Variants in MRPL46 observed in about 807,000 individuals in gnomAD.
MRPL46 encodes large ribosomal subunit protein mL46.
A neutral mutation model predicts 31.0 loss-of-function variants in MRPL46; 26 were observed. That is an observed-to-expected ratio of 0.84 (90% CI 0.61 to 1.16). The LOEUF (loss-of-function observed/expected upper bound fraction) is 1.16. MRPL46 is among the 50% of genes most tolerant of loss of function. MRPL46 has a pLI of 0.00. For missense variants in MRPL46, 395 were observed against 340.0 expected, an observed-to-expected ratio of 1.16 and a Z score of -1.27; for synonymous variants, 159 against 141.3, an observed-to-expected ratio of 1.13 and a Z score of -0.89.
Position 88,465,746 on chromosome 15 carries a change from C to G in MRPL46, c.256G>C (p.Asp86His). The change falls in exon 2 of 4, where the codon GAC (aspartate) becomes CAC (histidine). Residue 86 changes from aspartate (D) to histidine (H), a missense_variant. Transcript: ENST00000312475. Reference protein sequence around the residue: ...QIEIERSLYSDHELRALDENQ... With the variant: ...QIEIERSLYSHHELRALDENQ... ...TCATCCAGAGCACGAAGCTCGTGGT[C>G]TGAATACAGGCTTCTCTCTATCTCA... The G allele has an allele frequency of 6.2e-7, 1 of 1,611,670 alleles. No individual in the cohort carries two copies. Among genetic ancestry groups the G allele is most frequent in the Non-Finnish European group, 8.5e-7 (1 of 1,179,490 alleles).
chr15:88,462,849 A>G (rs1035536861), intron 3 of MRPL46: 10 of 152,208 alleles, frequency 6.6e-5, no homozygotes, highest in Non-Finnish European at 1.5e-4. Flanking sequence ...GTAAATTTGT[A>G]ATAAGTCAAT....
intron 1 of MRPL46, 150 bp downstream of exon 1, chr15:88,467,000 T>C (rs950022888): frequency 1.2e-6 from 1 of 855,594 alleles, no homozygotes; most frequent in African/African-American, 1.7e-5. Flanking sequence ...AGAAACCACT[T>C]TTTGTTGAAC....
chr15:88,462,974 G>A (rs181126369), intron 3 of MRPL46: 28 of 152,226 alleles, frequency 1.8e-4, no homozygotes, highest in African/African-American at 6.3e-4. Flanking sequence ...ATAGTGCTTG[G>A]GTAGAACCCC....
At chr15:88,464,641 A>G (rs1184954879) in intron 3 of MRPL46, 62 bp downstream of exon 3, 1 of 1,560,484 alleles carries the variant, frequency 6.4e-7, no homozygotes, top group South Asian at 1.2e-5. Context: ...AGTCAGCCTA[A>G]AAATCCTCTG....
At position 88,464,715 on chromosome 15, in the gene MRPL46, C is replaced by G. The variant is rs1300525588; in HGVS notation, c.577G>C (p.Ala193Pro). 1 of 1,612,714 alleles carries G rather than the reference C, an allele frequency of 6.2e-7. No individual in the cohort carries two copies. The highest frequency in any genetic ancestry group is 8.5e-7 in the Non-Finnish European group (1 of 1,179,710). ...TLRGTAERTL[A>P]TLSENNMEAK... The stretch of plus-strand genomic sequence containing the variant: ...GCAGAAAACCCACCTGAGAGTGTGG[C>G]CAGGGTTCGTTCAGCTGTTCCTCGA... The change falls in exon 3 of 4, where the codon GCC becomes CCC. Residue 193 changes from alanine (A) to proline (P), a missense_variant. Transcript: ENST00000312475.
At position 88,465,706 on chromosome 15, in the gene MRPL46, G is replaced by A. The variant is rs2055520068; in HGVS notation, c.296C>T (p.Ala99Val). 6.2e-7 allele frequency: 1 copy of A among 1,613,756 alleles called. No individual in the cohort carries two copies. The highest frequency in any genetic ancestry group is 8.5e-7 in the Non-Finnish European group (1 of 1,179,966). Residue 99 changes from alanine (A) to valine (V), a missense_variant, in exon 2 of 4, where the codon GCA becomes GTA. Coordinates refer to ENST00000312475, the MANE Select transcript of MRPL46 (RefSeq NM_022163.4). ...ATCATGAAGGTCAGCTTTCTTCTTT[G>A]CCAGTCGCTGGTTTTCATCCAGAGC... is the stretch of plus-strand genomic sequence containing the variant. ...LRALDENQRL[A>V]KKKADLHDEE... is the part of the protein sequence containing the mutation.
Position 88,459,794 on chromosome 15 carries a change from G to A in MRPL46, c.659C>T (p.Ala220Val). The change falls in exon 4 of 4, where the codon GCA (alanine) becomes GTA (valine). Residue 220 changes from alanine (A) to valine (V), a missense_variant. Transcript: ENST00000312475. ...CGHYTFKFPQ[A>V]MRTESNLGAK... ...TCCGAGGTTACTCTCTGTCCGCATT[G>A]CCTGGGGGAACTTGAATGTGTAGTG... 2 of 1,614,196 alleles carry A rather than the reference G, an allele frequency of 1.2e-6. No homozygotes were observed. Among genetic ancestry groups the A allele is most frequent in the Non-Finnish European group, 1.7e-6 (2 of 1,180,038 alleles).
intron 3 of MRPL46, 147 bp downstream of exon 3, chr15:88,464,555 GT>G (rs1312798349): frequency 8.4e-6 from 7 of 828,494 alleles, no homozygotes; most frequent in Non-Finnish European, 1.3e-5. Flanking sequence ...CCTTACCTGG[GT>G]TTTTCTGGCT....
intron 3 of MRPL46, chr15:88,460,643 CA>C (rs1379397931): frequency 1.3e-5 from 2 of 152,164 alleles, no homozygotes; most frequent in Non-Finnish European, 1.5e-5. Flanking sequence ...CCATATAGAT[CA>C]AAGATTTAAC....
chr15:88,464,219 C>G (rs2055501252), intron 3 of MRPL46: 1 of 156,500 alleles, frequency 6.4e-6, no homozygotes, highest in Admixed American at 6.5e-5. Flanking sequence ...ACCAATAATG[C>G]CAGAGATGGG....
chr15:88,464,762 T>C lies in MRPL46; in HGVS notation c.530A>G (p.Glu177Gly). Residue 177 changes from glutamate to glycine, a missense_variant, in exon 3 of 4, where the codon GAG becomes GGG. Coordinates refer to ENST00000312475, the MANE Select transcript of MRPL46 (RefSeq NM_022163.4). ...TCGAAGGGTCTCCCCAGGCTGCCAC[T>C]CTGCCTGGGGCAGTATCCAAACATC... ...DQDVWILPQA[E>G]WQPGETLRGT... 6.2e-7 allele frequency: 1 copy of C among 1,614,118 alleles called. No homozygotes were observed. Among genetic ancestry groups the C allele is most frequent in the Non-Finnish European group, 8.5e-7 (1 of 1,180,022 alleles).
At chr15:88,462,844 T>C (rs1270064825) in intron 3 of MRPL46, 1 of 152,246 alleles carries the variant, frequency 6.6e-6, no homozygotes, top group East Asian at 1.9e-4. Context: ...GTTTAGTAAA[T>C]TTGTAATAAG....
At chr15:88,462,199 G>C (rs899907555) in intron 3 of MRPL46, 2 of 150,894 alleles carry the variant, frequency 1.3e-5, no homozygotes, top group African/African-American at 4.9e-5. Flanking sequence ...AAAATTTATA[G>C]ATAGTGTGAG....
Position 88,464,699 on chromosome 15 carries a change from C to T in MRPL46, c.589+4G>A. On this transcript the variant is annotated splice_donor_region_variant and intron_variant, in intron 3 of 3. Coordinates refer to ENST00000312475, the MANE Select transcript of MRPL46 (RefSeq NM_022163.4). ...TGGAATTTAGAGGAAGGCAGAAAAC[C>T]CACCTGAGAGTGTGGCCAGGGTTCG... The T allele has an allele frequency of 1.2e-6, 2 of 1,607,640 alleles. No individual in the cohort carries two copies. Among genetic ancestry groups the T allele is most frequent in the Non-Finnish European group, 1.7e-6 (2 of 1,176,610 alleles).
Position 88,459,827 on chromosome 15 carries a change from G to C in MRPL46, c.626C>G (p.Pro209Arg). The C allele has an allele frequency of 6.2e-7, 1 of 1,614,140 alleles. No homozygotes were observed. Among genetic ancestry groups the C allele is most frequent in the Non-Finnish European group, 8.5e-7 (1 of 1,180,026 alleles). ...NMEAKFLGNA[P>R]CGHYTFKFPQ... The stretch of plus-strand genomic sequence containing the variant: ...GAACTTGAATGTGTAGTGCCCACAG[G>C]GTGCATTTCCTAGGAACTTGGCTTC... The change falls in exon 4 of 4, where the codon CCC becomes CGC. Residue 209 changes from proline (P) to arginine (R), a missense_variant. By Grantham distance (103) the Pro-to-Arg change is moderately radical. Coordinates refer to ENST00000312475, the MANE Select transcript of MRPL46 (RefSeq NM_022163.4).
In MRPL46 at chr15:88,459,787, C is replaced by T. The variant is rs779764453; in HGVS notation, c.666G>A (p.Arg222=). The change falls in exon 4 of 4, where the codon CGG becomes CGA. Residue 222 remains arginine (R), a synonymous_variant. Transcript: ENST00000312475. Reference sequence around the variant, plus strand: ...CCTTGGCTCCGAGGTTACTCTCTGTCCGCATTGCCTGGGGGAACTTGAATG... The same window carrying T: ...CCTTGGCTCCGAGGTTACTCTCTGTTCGCATTGCCTGGGGGAACTTGAATG... ...HYTFKFPQAM[R]TESNLGAKVF... The T allele has an allele frequency of 6.2e-7, 1 of 1,614,238 alleles. No homozygotes were observed. The highest frequency in any genetic ancestry group is 1.3e-5 in the African/African-American group (1 of 75,068).
rs765381395 is a variant in MRPL46, at chr15:88,459,819, G to A, written c.634C>T (p.His212Tyr). The A allele has an allele frequency of 2.5e-6, 4 of 1,614,202 alleles. No homozygotes were observed. In the South Asian group the frequency reaches 3.3e-5, roughly 13 times the overall value. Residue 212 changes from histidine (H) to tyrosine (Y), a missense_variant, in exon 4 of 4, where the codon CAC becomes TAC. By Grantham distance (83) the His-to-Tyr change is moderately conservative. Coordinates refer to ENST00000312475, the MANE Select transcript of MRPL46 (RefSeq NM_022163.4). ...GCCTGGGGGAACTTGAATGTGTAGT[G>A]CCCACAGGGTGCATTTCCTAGGAAC... ...AKFLGNAPCG[H>Y]YTFKFPQAMR...
chr15:88,460,256 G>A (rs74029891), intron 3 of MRPL46: 2,337 of 206,436 alleles, frequency 0.011, 70 homozygotes, highest in African/African-American at 0.051. Context: ...CAGCCCAGTC[G>A]CTATCTGTTG....
At chr15:88,464,576 A>C in intron 3 of MRPL46, 127 bp downstream of exon 3, 1 of 1,054,044 alleles carries the variant, frequency 9.5e-7, no homozygotes, top group Non-Finnish European at 1.3e-6. Context: ...TGAAATTTTT[A>C]TAAACTTCAA....
Sources: gnomAD v4.1 joint callset for allele counts on GRCh38, gnomAD v4.1.1 for gene constraint, MANE v1.5 for transcripts, NCBI Gene and HGNC (gene_info 2026-07-23, HGNC 2026-07-21) for gene names.